The following STARD13 variants were observed in gnomAD, a reference collection of about 807,000 sequenced individuals.
STARD13 encodes the protein StAR related lipid transfer domain containing 13, also known as stAR-related lipid transfer protein 13.
Under a neutral mutation model 106.4 loss-of-function variants are expected in STARD13, and 62 were observed. That is an observed-to-expected ratio of 0.58 (90% CI 0.48 to 0.72). The LOEUF is 0.72. Ranked by LOEUF, STARD13 falls within the 30% of genes least tolerant of loss-of-function variation. STARD13 has a pLI of 0.00. For missense variants in STARD13, 1,387 were observed against 1,424.0 expected (o/e 0.97, Z 0.42); for synonymous variants, 565 against 553.0 (o/e 1.02, Z -0.31).
chr13:33,632,227 T>A, the STARD13 span, among the ~76,000 whole-genome samples: 1 of 152,334 alleles, frequency 6.6e-6, no homozygotes, highest in African/African-American at 2.4e-5. Flanking sequence ...TGAGCTCTCA[T>A]AAAATCACAT....
the STARD13 span, among the ~76,000 whole-genome samples, chr13:33,577,759 T>G: frequency 6.6e-6 from 1 of 152,032 alleles, no homozygotes; most frequent in Non-Finnish European, 1.5e-5. Context: ...ACCATAAAAC[T>G]CCTAGAAAAT....
chr13:33,233,418 A>T (rs1182892012), intron 1 of STARD13, among the ~76,000 whole-genome samples: 1 of 152,182 alleles, frequency 6.6e-6, no homozygotes, highest in South Asian at 2.1e-4. Flanking sequence ...TCATTAGAGG[A>T]GACGACAGCC....
At chr13:33,552,593 T>C in the STARD13 span, among the ~76,000 whole-genome samples, 7 of 152,214 alleles carry the variant, frequency 4.6e-5, no homozygotes, top group African/African-American at 1.7e-4. Flanking sequence ...AAATTTTATA[T>C]GTAAATTATA....
At chr13:33,206,076 G>T (rs1455332323) in intron 1 of STARD13, 1 of 938,176 alleles carries the variant, frequency 1.1e-6, no homozygotes, top group Non-Finnish European at 1.3e-6. Flanking sequence ...CCCGCCTCCA[G>T]CTCTAAGAGA....
chr13:33,111,961 C>T lies in STARD13; in HGVS notation c.2493-69G>A, dbSNP rs933840637. 3.0e-6 allele frequency: 3 copies of T among 997,246 alleles called. No homozygotes were observed. The African/African-American group carries it at 4.8e-5, about 16-fold the overall frequency. The allele number at this position is 997,246 out of a possible 1,614,324, so 61.8% of individuals were successfully genotyped here. ...AGCTTGTCACAATACCAAACTCATC[C>T]CTTTTGTTTTCTGTTTATACCCAGA... On this transcript the variant is annotated intron_variant, in intron 9 of 13. Coordinates refer to ENST00000336934, the MANE Select transcript of STARD13 (RefSeq NM_178006.4).
intron 1 of STARD13, among the ~76,000 whole-genome samples, chr13:33,261,897 A>G (rs1406478333): frequency 1.3e-5 from 2 of 152,146 alleles, no homozygotes; most frequent in African/African-American, 4.8e-5. Context: ...TGGGTTCGGA[A>G]GGCAGGGCAG....
At chr13:33,122,230 C>A (rs1249938167) in intron 7 of STARD13, among the ~76,000 whole-genome samples, 4 of 152,218 alleles carry the variant, frequency 2.6e-5, no homozygotes, top group Non-Finnish European at 5.9e-5. Context: ...GATCTGCCCA[C>A]CTCGGCCTCC....
chr13:33,643,674 C>T, the STARD13 span, among the ~76,000 whole-genome samples: 4 of 152,384 alleles, frequency 2.6e-5, no homozygotes, highest in Admixed American at 6.5e-5. Flanking sequence ...AGCTGGTGAA[C>T]GGGTGCCAGT....
the STARD13 span, among the ~76,000 whole-genome samples, chr13:33,374,861 C>A: frequency 6.6e-6 from 1 of 152,100 alleles, no homozygotes; most frequent in Non-Finnish European, 1.5e-5. Context: ...GGGAATCTTG[C>A]TAAATTGTAG....
the STARD13 span, among the ~76,000 whole-genome samples, chr13:33,455,917 C>T: frequency 2.6e-5 from 4 of 152,014 alleles, no homozygotes; most frequent in African/African-American, 9.7e-5. Flanking sequence ...GCACTCCAGC[C>T]TGGAGACAGA....
the STARD13 span, among the ~76,000 whole-genome samples, chr13:33,598,059 G>C: frequency 6.6e-6 from 1 of 152,112 alleles, no homozygotes; most frequent in African/African-American, 2.4e-5. Flanking sequence ...TTTGCCACCT[G>C]ACCCCAGCCT....
chr13:33,285,322 A>G (rs1594218178), intron 1 of STARD13, 148 bp downstream of exon 1: 2 of 859,092 alleles, frequency 2.3e-6, no homozygotes, highest in African/African-American at 1.7e-5. Context: ...ACTGCAGCCT[A>G]AAGTTATTTT....
chr13:33,630,342 C>T, the STARD13 span, among the ~76,000 whole-genome samples: 1 of 152,250 alleles, frequency 6.6e-6, no homozygotes, highest in Middle Eastern at 3.4e-3. Context: ...GCCCCTGAGA[C>T]CCTCTTTTGG....
chr13:33,213,782 C>T (rs186364664), intron 1 of STARD13, among the ~76,000 whole-genome samples: 1 of 152,328 alleles, frequency 6.6e-6, no homozygotes, highest in East Asian at 1.9e-4. Flanking sequence ...GTCTACTAAC[C>T]TTTTACCTGT....
At chr13:33,543,543 A>G in the STARD13 span, among the ~76,000 whole-genome samples, 1 of 152,222 alleles carries the variant, frequency 6.6e-6, no homozygotes, top group Non-Finnish European at 1.5e-5. Flanking sequence ...TTTTATTGGA[A>G]TGGTGCTGTG....
intron 1 of STARD13, among the ~76,000 whole-genome samples, chr13:33,308,664 C>T (rs1893017187): frequency 6.6e-6 from 1 of 151,786 alleles, no homozygotes; most frequent in Non-Finnish European, 1.5e-5. Context: ...GCTGGTATTA[C>T]AGGTACCCAC....
chr13:33,250,466 T>G (rs563849133), intron 1 of STARD13, among the ~76,000 whole-genome samples: 1 of 152,312 alleles, frequency 6.6e-6, no homozygotes, highest in Non-Finnish European at 1.5e-5. Context: ...AAGAAAGCCC[T>G]GCAGAGAGTT....
intron 1 of STARD13, among the ~76,000 whole-genome samples, chr13:33,243,804 C>T (rs755277571): frequency 1.3e-5 from 2 of 152,074 alleles, no homozygotes; most frequent in Non-Finnish European, 2.9e-5. Flanking sequence ...ATGTCAGCTT[C>T]GTTTACCTGT....
chr13:33,385,218 A>AATAAAT, the STARD13 span, among the ~76,000 whole-genome samples: 1 of 33,568 alleles, frequency 3.0e-5, no homozygotes, highest in Non-Finnish European at 6.7e-5. Flanking sequence ...AAAGGTTCGG[A>AATAAAT]ATATATATAT....
Sources: allele counts gnomAD v4.1 joint callset (sites outside exome capture counted in the v4.1 genomes callset), GRCh38; gene constraint gnomAD v4.1.1; transcripts MANE v1.5; gene names NCBI Gene and HGNC (gene_info 2026-07-23, HGNC 2026-07-21).